The following ZDHHC2 variants were observed in gnomAD, a reference collection of about 807,000 sequenced individuals.
The protein encoded by ZDHHC2 is palmitoyltransferase ZDHHC2.
ZDHHC2 carries 51 observed loss-of-function variants against 55.6 expected under a neutral mutation model. That is an observed-to-expected ratio of 0.92 (90% CI 0.73 to 1.16). The LOEUF (loss-of-function observed/expected upper bound fraction) is 1.16. Ranked by LOEUF, ZDHHC2 falls within the 50% of genes most tolerant of loss-of-function variation. The pLI, the probability that ZDHHC2 is intolerant of heterozygous loss-of-function variation, is 0.00. For synonymous variants in ZDHHC2, 199 were observed against 152.9 expected, an observed-to-expected ratio of 1.30 and a Z score of -2.22; for missense variants, 491 against 442.4, an observed-to-expected ratio of 1.11 and a Z score of -0.99.
At chr8:17,201,888 C>T (rs1341413930) in intron 6 of ZDHHC2, among the ~76,000 whole-genome samples, 1 of 151,844 alleles carries the variant, frequency 6.6e-6, no homozygotes, top group Non-Finnish European at 1.5e-5. Context: ...TCAACAATAC[C>T]TCTCTATTTG....
intron 1 of ZDHHC2, among the ~76,000 whole-genome samples, chr8:17,184,574 C>A (rs998479304): frequency 6.6e-6 from 1 of 152,212 alleles, no homozygotes; most frequent in African/African-American, 2.4e-5. Flanking sequence ...GGCTGAAGTG[C>A]GCAATGGAGG....
chr8:17,218,941 C>G (rs1222856982), intron 12 of ZDHHC2, among the ~76,000 whole-genome samples: 3 of 152,016 alleles, frequency 2.0e-5, no homozygotes, highest in African/African-American at 7.2e-5. Flanking sequence ...TACTGATGTG[C>G]CTAATTTATA....
chr8:17,207,429 TAAGATAGCTTG>T (rs1232452639), intron 7 of ZDHHC2, among the ~76,000 whole-genome samples: 1 of 152,070 alleles, frequency 6.6e-6, no homozygotes, highest in African/African-American at 2.4e-5. Context: ...TGCTATTATT[TAAGATAGCTTG>T]AAGCATTATT....
chr8:17,191,910 A>ACATTCT (rs1398645110), intron 3 of ZDHHC2, among the ~76,000 whole-genome samples: 2 of 152,140 alleles, frequency 1.3e-5, no homozygotes, highest in Non-Finnish European at 2.9e-5. Flanking sequence ...GTACTAATTT[A>ACATTCT]CATTCTCACC....
chr8:17,165,294 G>T (rs1488499025), intron 1 of ZDHHC2, among the ~76,000 whole-genome samples: 1 of 152,214 alleles, frequency 6.6e-6, no homozygotes, highest in Non-Finnish European at 1.5e-5. Flanking sequence ...GGCAGTCAGG[G>T]ATTTATGTAC....
intron 1 of ZDHHC2, among the ~76,000 whole-genome samples, chr8:17,174,144 C>T (rs906560424): frequency 2.6e-5 from 4 of 151,210 alleles, no homozygotes; most frequent in African/African-American, 9.7e-5. Flanking sequence ...ATCTGGAATA[C>T]AGTGGCGTAA....
chr8:17,199,509 T>TTCGTCTTCTTCTTCGTCTTCGTCTTCG (rs1554466016), intron 6 of ZDHHC2, among the ~76,000 whole-genome samples: 1 of 121,116 alleles, frequency 8.3e-6, no homozygotes, highest in African/African-American at 3.7e-5. Context: ...CTTCTTCTTC[T>TTCGTCTTCTTCTTCGTCTTCGTCTTCG]TCTTCGTCTT....
At chr8:17,211,676 G>A (rs1585737956) in intron 10 of ZDHHC2, among the ~76,000 whole-genome samples, 2 of 152,066 alleles carry the variant, frequency 1.3e-5, no homozygotes, top group Non-Finnish European at 1.5e-5. Context: ...TGTCAAAAGA[G>A]ATGAAAGGTA....
At chr8:17,176,221 C>T (rs184085194) in intron 1 of ZDHHC2, among the ~76,000 whole-genome samples, 49 of 151,978 alleles carry the variant, frequency 3.2e-4, no homozygotes, top group African/African-American at 1.2e-3. Context: ...TTGCCTTGCC[C>T]CGTGTTTGTG....
In ZDHHC2 at chr8:17,217,241, A is replaced by G. The variant is rs763785800; in HGVS notation, c.*29A>G. The G allele has an allele frequency of 5.7e-6, 9 of 1,591,902 alleles. No homozygotes were observed. The East Asian group carries it at 1.8e-4, about 32-fold the overall frequency. On this transcript the variant is annotated 3_prime_UTR_variant, in exon 12 of 13. Coordinates refer to ENST00000262096, the MANE Select transcript of ZDHHC2 (RefSeq NM_016353.5). ...TTCAAGCAAGATAAATTCATACTTT[A>G]TAAAAGTACGATAATTTTCCCTTTA...
intron 1 of ZDHHC2, among the ~76,000 whole-genome samples, chr8:17,162,019 A>C (rs1433364906): frequency 6.6e-6 from 1 of 152,244 alleles, no homozygotes; most frequent in African/African-American, 2.4e-5. Context: ...AAAAATTCAA[A>C]TGTATAAAAC....
intron 12 of ZDHHC2, among the ~76,000 whole-genome samples, chr8:17,217,453 T>C (rs1461365175): frequency 6.6e-6 from 1 of 152,176 alleles, no homozygotes; most frequent in Non-Finnish European, 1.5e-5. Context: ...TTAACTTGAT[T>C]AATTATATAA....
At chr8:17,213,332 C>T (rs899584920) in intron 10 of ZDHHC2, among the ~76,000 whole-genome samples, 2 of 151,888 alleles carry the variant, frequency 1.3e-5, no homozygotes, top group African/African-American at 4.8e-5. Context: ...CGGCTCACTG[C>T]AACCTCTGTC....
chr8:17,197,555 A>T (rs1432655133), intron 4 of ZDHHC2, 27 bp from the exon 5 acceptor site: 1 of 1,604,456 alleles, frequency 6.2e-7, no homozygotes, highest in Admixed American at 1.7e-5. Flanking sequence ...GTTAACTCTA[A>T]GACTAAGTGG....
chr8:17,195,659 G>A (rs1428125748), intron 4 of ZDHHC2, 35 bp downstream of exon 4: 2 of 1,611,622 alleles, frequency 1.2e-6, no homozygotes, highest in East Asian at 2.2e-5. Flanking sequence ...GCAATGGTAT[G>A]CAAATAACAT....
At chr8:17,159,483 G>A (rs143280330) in intron 1 of ZDHHC2, among the ~76,000 whole-genome samples, 5 of 152,286 alleles carry the variant, frequency 3.3e-5, no homozygotes, top group African/African-American at 1.2e-4. Flanking sequence ...TTTGCTGAAT[G>A]AACTGCAATT....
chr8:17,158,751 G>A (rs1563427915), intron 1 of ZDHHC2, among the ~76,000 whole-genome samples: 1 of 152,216 alleles, frequency 6.6e-6, no homozygotes, highest in Non-Finnish European at 1.5e-5. Context: ...GGCGTGGCCT[G>A]TTATTGATAC....
In ZDHHC2 at chr8:17,220,861, G is replaced by A. The variant is rs568571619; in HGVS notation, c.*640G>A. 3 of 152,114 alleles carry A rather than the reference G, an allele frequency of 2.0e-5. No homozygotes were observed. Among genetic ancestry groups the A allele is most frequent in the Non-Finnish European group, 4.4e-5 (3 of 68,010 alleles). 9.4% of individuals were successfully genotyped at this position (152,114 alleles called of 1,614,324 possible). A position where few individuals can be genotyped will look rare whatever the true frequency, so the allele number is the denominator to read the frequency against. ...CCTTTTGTTTTCTGCTGGAAAATAA[G>A]TGTGGACATTGAAGCTTGAGCTCTC... On this transcript the variant is annotated 3_prime_UTR_variant, in exon 13 of 13. Coordinates refer to ENST00000262096, the MANE Select transcript of ZDHHC2 (RefSeq NM_016353.5).
intron 6 of ZDHHC2, among the ~76,000 whole-genome samples, chr8:17,201,717 C>A (rs1378282031): frequency 1.3e-5 from 2 of 149,116 alleles, no homozygotes; most frequent in Non-Finnish European, 3.0e-5. Context: ...AGGATGGTCT[C>A]GATCTCCTGA....
Sources: allele counts gnomAD v4.1 joint callset (sites outside exome capture counted in the v4.1 genomes callset), GRCh38; gene constraint gnomAD v4.1.1; transcripts MANE v1.5; gene names NCBI Gene and HGNC (gene_info 2026-07-23, HGNC 2026-07-21).